The following BLM variants were observed in gnomAD, a reference collection of about 807,000 sequenced individuals.
The protein encoded by BLM is BLM RecQ like helicase, also known as recQ-like DNA helicase BLM.
In BLM, 95 loss-of-function variants were observed where a neutral mutation model predicts 135.3. That is an observed-to-expected ratio of 0.70 (90% CI 0.59 to 0.83). The LOEUF is 0.83. BLM is among the 40% of genes least tolerant of loss of function. The pLI, the probability that BLM is intolerant of heterozygous loss-of-function variation, is 0.00. For synonymous variants in BLM, 520 were observed against 589.2 expected (o/e 0.88, Z 1.70); for missense variants, 1,518 against 1,663.9 (o/e 0.91, Z 1.53).
At chr15:90,777,272 C>G (rs1896503409) in intron 12 of BLM, among the ~76,000 whole-genome samples, 1 of 152,148 alleles carries the variant, frequency 6.6e-6, no homozygotes, top group Admixed American at 6.6e-5. Context: ...CTGCCTCAGC[C>G]TCCCAAGTAG....
In BLM at chr15:90,717,402, T is replaced by G. The variant is rs564482351; in HGVS notation, c.-43T>G. The G allele has an allele frequency of 6.6e-6, 1 of 152,542 alleles. No homozygotes were observed. The highest frequency in any genetic ancestry group is 2.4e-5 in the African/African-American group (1 of 41,590). 9.4% of individuals were successfully genotyped at this position (152,542 alleles called of 1,614,324 possible). On this transcript the variant is annotated 5_prime_UTR_variant, in exon 1 of 22. Coordinates refer to ENST00000355112, the MANE Select transcript of BLM (RefSeq NM_000057.4). ...CGGCCGTGGTTGCGGCGCGGGAAGTTTGGATCCTGGTTCCGTCCGCTAGGA... is the reference window on the plus strand; with the variant it reads ...CGGCCGTGGTTGCGGCGCGGGAAGTGTGGATCCTGGTTCCGTCCGCTAGGA...
rs1397394866 is a variant in BLM, at chr15:90,815,200, C to T, written c.4175C>T (p.Ala1392Val). 1.2e-6 allele frequency: 2 copies of T among 1,614,054 alleles called. No individual in the cohort carries two copies. The highest frequency in any genetic ancestry group is 2.7e-5 in the African/African-American group (2 of 74,920). The change falls in exon 22 of 22, where the codon GCC becomes GTC. Residue 1392 changes from alanine to valine, a missense_variant. By Grantham distance (64) the Ala-to-Val change is moderately conservative. Around this residue, in one of 5 missense-constraint regions of BLM, gnomAD observed 153 missense variants for 173.4 expected, o/e 0.88. Transcript: ENST00000355112. The surrounding 1 kb of genome is among the most constrained non-coding windows in gnomAD (Gnocchi z 4.6). ...ASHTSQATSGANSKLGIMAPP... is the reference protein window; with the variant it reads ...ASHTSQATSGVNSKLGIMAPP... ...CATACTTCTCAAGCGACATCAGGAGCCAATAGCAAATTGGGGATTATGGCT... is the reference window on the plus strand; with the variant it reads ...CATACTTCTCAAGCGACATCAGGAGTCAATAGCAAATTGGGGATTATGGCT...
chr15:90,792,143 G>A (rs1896921640), intron 15 of BLM, among the ~76,000 whole-genome samples: 1 of 143,758 alleles, frequency 7.0e-6, no homozygotes, highest in Non-Finnish European at 1.5e-5. Flanking sequence ...CTAGGCTGAA[G>A]TGCAAAGGCT....
intron 5 of BLM, among the ~76,000 whole-genome samples, chr15:90,756,779 G>T (rs566479782): frequency 3.3e-5 from 5 of 152,308 alleles, no homozygotes; most frequent in African/African-American, 1.2e-4. Context: ...ACTCCAAAAA[G>T]TTAGAGGTGT....
intron 1 of BLM, among the ~76,000 whole-genome samples, chr15:90,735,331 A>G (rs1895186268): frequency 6.7e-6 from 1 of 149,218 alleles, no homozygotes; most frequent in African/African-American, 2.4e-5. Context: ...CAATATAAAT[A>G]TCAACAGAGT....
At chr15:90,741,853 G>T (rs1298927248) in intron 1 of BLM, among the ~76,000 whole-genome samples, 4 of 152,110 alleles carry the variant, frequency 2.6e-5, no homozygotes, top group Non-Finnish European at 5.9e-5. Context: ...TGTTTTTGCT[G>T]TTGTTTTTAA....
intron 5 of BLM, among the ~76,000 whole-genome samples, chr15:90,759,115 A>T (rs995968919): frequency 6.6e-6 from 1 of 152,260 alleles, no homozygotes; most frequent in Non-Finnish European, 1.5e-5. Flanking sequence ...ATTAAATATT[A>T]TGAAATTAAA....
At chr15:90,805,275 G>T (rs989611358) in intron 19 of BLM, among the ~76,000 whole-genome samples, 1 of 150,404 alleles carries the variant, frequency 6.6e-6, no homozygotes, top group African/African-American at 2.4e-5. Flanking sequence ...GTTATATATG[G>T]TATAATTTTA....
chr15:90,774,702 C>T (rs1414920669), intron 12 of BLM, among the ~76,000 whole-genome samples: 1 of 151,028 alleles, frequency 6.6e-6, no homozygotes, highest in Non-Finnish European at 1.5e-5. Context: ...GGCGTGGTGG[C>T]ATGCACCTAT....
intron 12 of BLM, among the ~76,000 whole-genome samples, chr15:90,777,300 C>T (rs1174418866): frequency 2.6e-5 from 4 of 152,022 alleles, no homozygotes; most frequent in East Asian, 3.9e-4. Flanking sequence ...TACAGGCGCC[C>T]GCCACCATGC....
At chr15:90,767,711 C>A (rs979231666) in intron 10 of BLM, among the ~76,000 whole-genome samples, 1 of 152,126 alleles carries the variant, frequency 6.6e-6, no homozygotes, top group Non-Finnish European at 1.5e-5. Context: ...TGATAGACTT[C>A]TCCGCTGTAA....
intron 1 of BLM, among the ~76,000 whole-genome samples, chr15:90,737,838 C>A (rs1215478911): frequency 1.3e-5 from 2 of 151,880 alleles, no homozygotes; most frequent in Non-Finnish European, 2.9e-5. Context: ...ATAAACAAAA[C>A]AGGGACTAGA....
intron 1 of BLM, among the ~76,000 whole-genome samples, chr15:90,736,429 T>A (rs558127049): frequency 6.6e-6 from 1 of 152,066 alleles, no homozygotes; most frequent in African/African-American, 2.4e-5. Flanking sequence ...CTTACTAATT[T>A]AAAAATTTTT....
At position 90,794,158 on chromosome 15, in the gene BLM, CT is replaced by C. The variant is rs758728724; in HGVS notation, c.3020-8del. 1 of 1,584,308 alleles carries C rather than the reference CT, an allele frequency of 6.3e-7. No homozygotes were observed. The highest frequency in any genetic ancestry group is 8.6e-7 in the Non-Finnish European group (1 of 1,156,698). ...AAGTATGTCTTACTATAGTCTTCAT[CT>C]CTTTTAGTGGAAAAAGATGGAAACC... On this transcript the variant is annotated splice_region_variant and splice_polypyrimidine_tract_variant and intron_variant, in intron 15 of 21. Transcript: ENST00000355112.
chr15:90,783,631 G>T (rs1374094018), intron 13 of BLM, among the ~76,000 whole-genome samples: 1 of 152,170 alleles, frequency 6.6e-6, no homozygotes, highest in Non-Finnish European at 1.5e-5. Flanking sequence ...CAGGCACTGT[G>T]GTTCACGCCT....
At chr15:90,755,149 C>T in intron 5 of BLM, 2 of 587,174 alleles carry the variant, frequency 3.4e-6, no homozygotes, top group Non-Finnish European at 5.8e-6. Context: ...GGCGTTCATT[C>T]CCCATTTTGA....
intron 1 of BLM, among the ~76,000 whole-genome samples, chr15:90,729,868 C>T (rs1042477580): frequency 9.9e-5 from 15 of 152,122 alleles, no homozygotes; most frequent in African/African-American, 2.9e-4. Flanking sequence ...ATTTTTGAGA[C>T]GAAGTCTCGC....
intron 1 of BLM, among the ~76,000 whole-genome samples, chr15:90,717,695 G>A (rs1158918163): frequency 2.0e-5 from 3 of 152,226 alleles, no homozygotes; most frequent in African/African-American, 7.2e-5. Context: ...GCCGAGCATG[G>A]GCTAGGACCT....
intron 21 of BLM, among the ~76,000 whole-genome samples, chr15:90,813,587 C>T (rs1897478092): frequency 6.6e-6 from 1 of 152,158 alleles, no homozygotes; most frequent in Admixed American, 6.6e-5. Context: ...TGGGGTTTCA[C>T]CATGTTGGCC....
Sources: gnomAD v4.1 joint callset for allele counts (sites outside exome capture counted in the v4.1 genomes callset) on GRCh38, gnomAD v4.1.1 for gene constraint, gnomAD v4.1.1 regional missense constraint, Gnocchi (gnomAD v3.1) non-coding constraint, MANE v1.5 for transcripts, NCBI Gene and HGNC (gene_info 2026-07-23, HGNC 2026-07-21) for gene names.